The following NR6A1 variants were observed in gnomAD, a reference collection of about 807,000 sequenced individuals.
The protein encoded by NR6A1 is retinoic acid receptor-related testis-associated receptor.
In NR6A1, 7 loss-of-function variants were observed where a neutral mutation model predicts 59.1. The observed-to-expected ratio is 0.12, with a 90% CI of 0.07 to 0.22. NR6A1 has a LOEUF of 0.22. NR6A1 is among the 10% of genes least tolerant of loss of function. The pLI, the probability that NR6A1 is intolerant of heterozygous loss-of-function variation, is 1.00. For missense variants in NR6A1, 468 were observed against 611.6 expected, an observed-to-expected ratio of 0.77 and a Z score of 2.48; for synonymous variants, 243 against 236.1, an observed-to-expected ratio of 1.03 and a Z score of -0.27.
chr9:124,764,490 A>C (rs1016760223), intron 1 of NR6A1, among the ~76,000 whole-genome samples: 6 of 152,226 alleles, frequency 3.9e-5, no homozygotes, highest in Non-Finnish European at 5.9e-5. Flanking sequence ...AGATCTAAAA[A>C]TCCATGATTC....
intron 2 of NR6A1, among the ~76,000 whole-genome samples, chr9:124,731,037 G>A (rs922579799): frequency 1.3e-5 from 2 of 152,104 alleles, no homozygotes; most frequent in African/African-American, 4.8e-5. Flanking sequence ...AAAGGTTACA[G>A]GGCATCTCAA....
At chr9:124,643,725 G>A (rs1836839564) in intron 2 of NR6A1, among the ~76,000 whole-genome samples, 1 of 146,374 alleles carries the variant, frequency 6.8e-6, no homozygotes, top group Admixed American at 6.9e-5. Flanking sequence ...CTGCACCCTG[G>A]CCTGGGCAAA....
intron 7 of NR6A1, among the ~76,000 whole-genome samples, chr9:124,534,731 AC>A (rs1399228218): frequency 6.6e-6 from 1 of 152,202 alleles, no homozygotes; most frequent in African/African-American, 2.4e-5. Flanking sequence ...CAAATCCCAA[AC>A]CCTTATGGGA....
At chr9:124,615,580 C>A (rs1207865866) in intron 2 of NR6A1, among the ~76,000 whole-genome samples, 1 of 151,948 alleles carries the variant, frequency 6.6e-6, no homozygotes, top group African/African-American at 2.4e-5. Context: ...TCCATTCCCC[C>A]ACAAAGCACC....
At chr9:124,673,481 C>T (rs927429825) in intron 2 of NR6A1, among the ~76,000 whole-genome samples, 3 of 151,830 alleles carry the variant, frequency 2.0e-5, no homozygotes, top group African/African-American at 4.8e-5. Flanking sequence ...AAGTACAATA[C>T]CTCAAAACCA....
intron 1 of NR6A1, among the ~76,000 whole-genome samples, chr9:124,761,295 C>G (rs1275784703): frequency 6.6e-6 from 1 of 152,152 alleles, no homozygotes. Context: ...ATAATTAGAG[C>G]TCTTAGGAAG....
intron 2 of NR6A1, among the ~76,000 whole-genome samples, chr9:124,688,674 T>C (rs938973712): frequency 1.3e-5 from 2 of 152,192 alleles, no homozygotes; most frequent in African/African-American, 4.8e-5. Flanking sequence ...CAACATCGTA[T>C]CAGTGACAAG....
intron 2 of NR6A1, among the ~76,000 whole-genome samples, chr9:124,629,569 T>TC (rs1270227884): frequency 6.6e-6 from 1 of 152,180 alleles, no homozygotes; most frequent in Non-Finnish European, 1.5e-5. Flanking sequence ...AGAACCTGAC[T>TC]CCAAGTTTTG....
intron 2 of NR6A1, among the ~76,000 whole-genome samples, chr9:124,666,182 C>G (rs1334930213): frequency 6.7e-6 from 1 of 150,212 alleles, no homozygotes; most frequent in South Asian, 2.1e-4. Context: ...GTATTCAGAG[C>G]AAATTAGACA....
chr9:124,585,121 G>A lies in NR6A1; in HGVS notation c.143-30551C>T, dbSNP rs148987097. Among the ~76,000 whole-genome samples, 703 of 152,290 alleles carry A rather than the reference G, an allele frequency of 4.6e-3. 6 individuals carry two copies. Among genetic ancestry groups the A allele is most frequent in the African/African-American group, 0.016 (657 of 41,566 alleles). On this transcript the variant is annotated intron_variant, in intron 2 of 9. Coordinates refer to ENST00000487099, the MANE Select transcript of NR6A1 (RefSeq NM_033334.4). ...TCTGTTAAGCCAAAGCTAATGCAGA[G>A]CAAGGCCCTAACTCTCTTCAATTCT... is the stretch of plus-strand genomic sequence containing the variant.
At chr9:124,683,007 A>G (rs1838216352) in intron 2 of NR6A1, among the ~76,000 whole-genome samples, 1 of 152,076 alleles carries the variant, frequency 6.6e-6, no homozygotes, top group African/African-American at 2.4e-5. Flanking sequence ...GGAGCTCAAG[A>G]CCAGCCTAGG....
chr9:124,568,577 G>A (rs1178168979), intron 2 of NR6A1, among the ~76,000 whole-genome samples: 1 of 151,642 alleles, frequency 6.6e-6, no homozygotes, highest in East Asian at 1.9e-4. Context: ...ATAAAAACTT[G>A]CATGAAAAGT....
At chr9:124,720,523 A>G (rs927501706) in intron 2 of NR6A1, among the ~76,000 whole-genome samples, 4 of 152,190 alleles carry the variant, frequency 2.6e-5, no homozygotes, top group Admixed American at 2.0e-4. Context: ...TGCAGTTTTG[A>G]TTTTCTTATG....
At chr9:124,552,507 TA>T (rs2131380972) in intron 3 of NR6A1, among the ~76,000 whole-genome samples, 1 of 152,292 alleles carries the variant, frequency 6.6e-6, no homozygotes, top group East Asian at 1.9e-4. Flanking sequence ...CATCATCCAG[TA>T]AACACAGGGC....
At chr9:124,609,266 A>C (rs1219050437) in intron 2 of NR6A1, among the ~76,000 whole-genome samples, 1 of 152,130 alleles carries the variant, frequency 6.6e-6, no homozygotes, top group Non-Finnish European at 1.5e-5. Context: ...TCTTTAGTCC[A>C]TCTTGAGTTG....
intron 1 of NR6A1, among the ~76,000 whole-genome samples, chr9:124,763,617 T>A (rs1269807022): frequency 3.9e-5 from 6 of 152,206 alleles, no homozygotes; most frequent in African/African-American, 1.4e-4. Context: ...TGAGTACTAC[T>A]TCATTATTTG....
intron 2 of NR6A1, among the ~76,000 whole-genome samples, chr9:124,619,229 A>C (rs1291550960): frequency 2.6e-5 from 4 of 152,204 alleles, no homozygotes; most frequent in Non-Finnish European, 4.4e-5. Flanking sequence ...AAGTGAAATA[A>C]AACAAGCTAC....
At chr9:124,695,383 G>C (rs1838716688) in intron 2 of NR6A1, among the ~76,000 whole-genome samples, 1 of 152,130 alleles carries the variant, frequency 6.6e-6, no homozygotes, top group East Asian at 1.9e-4. Context: ...TCTTTCGTTT[G>C]TTTGTTTTTT....
chr9:124,733,368 G>C lies in NR6A1; in HGVS notation c.101-19C>G. 6.2e-7 allele frequency: 1 copy of C among 1,601,936 alleles called. No homozygotes were observed. The highest frequency in any genetic ancestry group is 8.5e-7 in the Non-Finnish European group (1 of 1,169,886). ...CAGAAACCTAAAGAGAAAACAATAGGAAAAAAAATTACAATTTGTGAATTA... is the reference window on the plus strand; with the variant it reads ...CAGAAACCTAAAGAGAAAACAATAGCAAAAAAAATTACAATTTGTGAATTA... On this transcript the variant is annotated intron_variant, in intron 1 of 9. Coordinates refer to ENST00000487099, the MANE Select transcript of NR6A1 (RefSeq NM_033334.4).
Sources: allele counts gnomAD v4.1 joint callset (sites outside exome capture counted in the v4.1 genomes callset), GRCh38; gene constraint gnomAD v4.1.1; transcripts MANE v1.5; gene names NCBI Gene and HGNC (gene_info 2026-07-23, HGNC 2026-07-21).